RBFOX1: variants seen among roughly 807,000 people sequenced by gnomAD.
RBFOX1 encodes the protein RNA binding fox-1 homolog 1.
Under a neutral mutation model 57.7 loss-of-function variants are expected in RBFOX1, and 8 were observed. That is an observed-to-expected ratio of 0.14 (90% CI 0.08 to 0.25). RBFOX1 has a LOEUF of 0.25. RBFOX1 is among the 10% of genes least tolerant of loss of function. The pLI is 1.00. For missense variants in RBFOX1, 611 were observed against 548.5 expected (o/e 1.11, Z -1.14); for synonymous variants, 326 against 222.4 (o/e 1.47, Z -4.15).
chr16:7,491,594 C>A (rs1024143145), intron 4 of RBFOX1, among the ~76,000 whole-genome samples: 1 of 151,754 alleles, frequency 6.6e-6, no homozygotes, highest in Non-Finnish European at 1.5e-5. Flanking sequence ...AAATTATTTG[C>A]TTTATGTAAT....
At chr16:7,169,321 A>G (rs2080208213) in intron 4 of RBFOX1, among the ~76,000 whole-genome samples, 1 of 152,234 alleles carries the variant, frequency 6.6e-6, no homozygotes, top group East Asian at 1.9e-4. Flanking sequence ...AGCTTTGCAT[A>G]TATCAGGGTT....
chr16:7,099,120 G>C (rs1001558045), intron 4 of RBFOX1, among the ~76,000 whole-genome samples: 1 of 152,160 alleles, frequency 6.6e-6, no homozygotes, highest in Non-Finnish European at 1.5e-5. Flanking sequence ...CTTAGAATCA[G>C]AGATGGCAGA....
chr16:5,856,181 C>CTA lies in RBFOX1; in HGVS notation c.319-11121_319-11120insAT, dbSNP rs1436879098. On this transcript the variant is annotated intron_variant, in intron 3 of 19. Transcript: ENST00000641259. ...TCTCTCTCTCTCTCTCTCTCTCTCT[C>CTA]TCTCTCTATATATATATATATATAT... Among the ~76,000 whole-genome samples, 255 of 49,962 alleles carry CTA rather than the reference C, an allele frequency of 5.1e-3. 1 individual carries two copies. The highest frequency in any genetic ancestry group is 9.8e-3 in the Middle Eastern group (1 of 102). The allele number at this position is 49,962 out of a possible 152,430, so 32.8% of individuals were successfully genotyped here.
At position 7,618,700 on chromosome 16, in the gene RBFOX1, C is replaced by T. The variant is rs192236414; in HGVS notation, c.676+11362C>T. ...TAAATTCACCCAATAGTGTTTAATACCCTTTCTGTTAATTACATGTAGATA... is the reference window on the plus strand; with the variant it reads ...TAAATTCACCCAATAGTGTTTAATATCCTTTCTGTTAATTACATGTAGATA... On this transcript the variant is annotated intron_variant, in intron 10 of 15. Transcript: ENST00000550418. Among the ~76,000 whole-genome samples, 218 of 152,206 alleles carry T rather than the reference C, an allele frequency of 1.4e-3. 1 individual carries two copies. Among genetic ancestry groups the T allele is most frequent in the Non-Finnish European group, 1.6e-3 (107 of 68,014 alleles).
chr16:7,082,347 G>A (rs531379179), intron 4 of RBFOX1, among the ~76,000 whole-genome samples: 14 of 152,154 alleles, frequency 9.2e-5, no homozygotes, highest in Admixed American at 4.6e-4. Context: ...TTGGGAGGCC[G>A]AGGTGGGTGG....
chr16:5,789,436 T>G (rs909419624), intron 3 of RBFOX1, among the ~76,000 whole-genome samples: 2 of 151,918 alleles, frequency 1.3e-5, no homozygotes, highest in African/African-American at 4.8e-5. Flanking sequence ...TTTATATGAG[T>G]GTGTGTGTAT....
At chr16:6,727,988 T>G in intron 3 of RBFOX1, among the ~76,000 whole-genome samples, 2 of 152,306 alleles carry the variant, frequency 1.3e-5, no homozygotes, top group East Asian at 3.9e-4. Context: ...TTAAATTCCC[T>G]ATCTGTAAAT....
At chr16:6,925,419 C>G (rs775753790) in intron 3 of RBFOX1, among the ~76,000 whole-genome samples, 6 of 151,570 alleles carry the variant, frequency 4.0e-5, no homozygotes, top group East Asian at 3.9e-4. Context: ...GCCACTGCAC[C>G]CAGCCTATCC....
At position 5,769,003 on chromosome 16, in the gene RBFOX1, T is replaced by C. The variant is rs147198914; in HGVS notation, c.319-98300T>C. ...TCAAATGGGGCTGCCTGGAGCACCATTAGTGAGTGTCAAACAATTTTGTCA... is the reference window on the plus strand; with the variant it reads ...TCAAATGGGGCTGCCTGGAGCACCACTAGTGAGTGTCAAACAATTTTGTCA... On this transcript the variant is annotated intron_variant, in intron 3 of 19. Coordinates refer to the RBFOX1 transcript ENST00000641259. Among the ~76,000 whole-genome samples, 286 of 152,068 alleles carry C rather than the reference T, an allele frequency of 1.9e-3. 3 individuals are homozygous for C. The highest frequency in any genetic ancestry group is 6.4e-3 in the African/African-American group (267 of 41,472).
chr16:6,153,634 C>T (rs562113733), intron 1 of RBFOX1, among the ~76,000 whole-genome samples: 9 of 152,220 alleles, frequency 5.9e-5, no homozygotes, highest in Non-Finnish European at 1.0e-4. Context: ...CTCCCGGGTT[C>T]AAGTGATTCT....
intron 2 of RBFOX1, among the ~76,000 whole-genome samples, chr16:6,505,491 G>T (rs999372734): frequency 6.6e-6 from 1 of 152,128 alleles, no homozygotes; most frequent in Non-Finnish European, 1.5e-5. Flanking sequence ...AAAATATTAG[G>T]TATTCTCGAA....
At chr16:5,957,931 C>T (rs901097249) in intron 4 of RBFOX1, among the ~76,000 whole-genome samples, 1 of 152,088 alleles carries the variant, frequency 6.6e-6, no homozygotes, top group Admixed American at 6.6e-5. Flanking sequence ...TGTTACTGTA[C>T]CCGTTAACCA....
chr16:5,447,171 C>T (rs1420936206), intron 1 of RBFOX1, among the ~76,000 whole-genome samples: 1 of 152,160 alleles, frequency 6.6e-6, no homozygotes, highest in Non-Finnish European at 1.5e-5. Flanking sequence ...CCCTCCCCAC[C>T]TACAATAACC....
intron 1 of RBFOX1, among the ~76,000 whole-genome samples, chr16:6,105,187 C>T (rs2096363770): frequency 1.3e-5 from 2 of 152,184 alleles, no homozygotes; most frequent in Admixed American, 6.5e-5. Context: ...CATGTGGGAC[C>T]ACCCTCCATT....
intron 4 of RBFOX1, among the ~76,000 whole-genome samples, chr16:7,359,079 G>GC (rs1391813178): frequency 6.6e-6 from 1 of 152,168 alleles, no homozygotes; most frequent in Non-Finnish European, 1.5e-5. Context: ...CTACAGCATA[G>GC]CCATCTAAGG....
intron 3 of RBFOX1, among the ~76,000 whole-genome samples, chr16:6,669,789 T>C: frequency 6.6e-6 from 1 of 152,160 alleles, no homozygotes; most frequent in Middle Eastern, 3.2e-3. Flanking sequence ...GCTTAAGGAC[T>C]TCTAGCTTTT....
chr16:7,273,990 G>A (rs533648362), intron 4 of RBFOX1, among the ~76,000 whole-genome samples: 1 of 152,114 alleles, frequency 6.6e-6, no homozygotes, highest in East Asian at 1.9e-4. Flanking sequence ...CCTGAACTGT[G>A]GTTGAAGGAC....
intron 2 of RBFOX1, among the ~76,000 whole-genome samples, chr16:6,599,260 T>C (rs35030321): frequency 0.01 from 1,571 of 152,306 alleles, 20 homozygotes; most frequent in Non-Finnish European, 0.018. Context: ...CTTGGGGCTT[T>C]GCATAACTTC....
At position 6,020,014 on chromosome 16, in the gene RBFOX1, G is replaced by A. The variant is rs537275389; in HGVS notation, c.-127+22G>A. 32 of 1,491,298 alleles carry A rather than the reference G, an allele frequency of 2.1e-5. No homozygotes were observed. The African/African-American group carries it at 3.3e-4, about 16-fold the overall frequency. The allele number at this position is 1,491,298 out of a possible 1,614,324, so 92.4% of individuals were successfully genotyped here. A position where few individuals can be genotyped will look rare whatever the true frequency, so the allele number is the denominator to read the frequency against. On this transcript the variant is annotated intron_variant, in intron 1 of 15. Coordinates refer to ENST00000550418, the MANE Select transcript of RBFOX1 (RefSeq NM_018723.4). ...CTAGGTAAGTCCAGGCGGAGTCATT[G>A]CCTCTGCACCCACCCTGACCTGGTG...
Sources: gnomAD v4.1 joint callset for allele counts (sites outside exome capture counted in the v4.1 genomes callset) on GRCh38, gnomAD v4.1.1 for gene constraint, MANE v1.5 for transcripts, NCBI Gene and HGNC (gene_info 2026-07-23, HGNC 2026-07-21) for gene names.